The following ATP9B variants were observed in gnomAD, a reference collection of about 807,000 sequenced individuals.
ATP9B encodes the protein probable phospholipid-transporting ATPase IIB.
Under a neutral mutation model 146.1 loss-of-function variants are expected in ATP9B, and 110 were observed. The observed-to-expected ratio is 0.75, with a 90% CI of 0.65 to 0.88. ATP9B has a LOEUF of 0.88. ATP9B is among the 40% of genes least tolerant of loss of function. ATP9B has a pLI of 0.00. For missense variants in ATP9B, 1,499 were observed against 1,496.4 expected (o/e 1.00, Z -0.03); for synonymous variants, 604 against 569.7 (o/e 1.06, Z -0.86).
chr18:79,160,722 A>G (rs1018079357), intron 7 of ATP9B, among the ~76,000 whole-genome samples: 4 of 152,182 alleles, frequency 2.6e-5, no homozygotes, highest in African/African-American at 9.6e-5. Context: ...GCTTAACATT[A>G]TATGACTATT....
At chr18:79,144,364 C>G (rs777813555) in intron 6 of ATP9B, 1 of 152,210 alleles carries the variant, frequency 6.6e-6, no homozygotes, top group Non-Finnish European at 1.5e-5. Context: ...CACCAGGAAC[C>G]AGTTTTATGG....
intron 1 of ATP9B, among the ~76,000 whole-genome samples, chr18:79,069,747 C>T (rs1460001669): frequency 3.9e-5 from 6 of 152,202 alleles, no homozygotes; most frequent in East Asian, 1.9e-4. Flanking sequence ...GCTGCATCCC[C>T]GGGACGCCTG....
chr18:79,193,774 A>C (rs919542694), intron 9 of ATP9B, among the ~76,000 whole-genome samples: 3 of 152,230 alleles, frequency 2.0e-5, no homozygotes, highest in Admixed American at 1.3e-4. Context: ...TCTTTATTTT[A>C]ACAGCTTATA....
intron 1 of ATP9B, among the ~76,000 whole-genome samples, chr18:79,074,447 T>A (rs1429045719): frequency 1.3e-5 from 2 of 152,158 alleles, no homozygotes; most frequent in African/African-American, 4.8e-5. Context: ...TGGAGCAAGG[T>A]CTTAGGTTAT....
chr18:79,374,232 T>C, intron 28 of ATP9B, 131 bp downstream of exon 28: 1 of 1,075,836 alleles, frequency 9.3e-7, no homozygotes, highest in Non-Finnish European at 1.3e-6. Flanking sequence ...AAGTGCCTGC[T>C]CTTACTGTCC....
chr18:79,135,869 CGTT>C (rs1411351702), intron 5 of ATP9B, among the ~76,000 whole-genome samples: 4 of 151,776 alleles, frequency 2.6e-5, no homozygotes, highest in Non-Finnish European at 5.9e-5. Flanking sequence ...GCCATTCAGT[CGTT>C]GTCAGTACTG....
At chr18:79,199,342 A>G (rs549636292) in intron 9 of ATP9B, among the ~76,000 whole-genome samples, 1 of 152,322 alleles carries the variant, frequency 6.6e-6, no homozygotes, top group African/African-American at 2.4e-5. Flanking sequence ...TTTTTACTCT[A>G]TTAATAACAC....
At chr18:79,170,368 GTAGGTGT>G (rs1384776934) in intron 7 of ATP9B, among the ~76,000 whole-genome samples, 2 of 152,220 alleles carry the variant, frequency 1.3e-5, no homozygotes, top group Admixed American at 6.5e-5. Context: ...CTCCTCCTCT[GTAGGTGT>G]TGAAATAGTT....
At chr18:79,340,260 A>G (rs1195205329) in intron 19 of ATP9B, 8 of 152,222 alleles carry the variant, frequency 5.3e-5, no homozygotes, top group Non-Finnish European at 1.5e-5. Flanking sequence ...TTGCTAAGTT[A>G]TATGACTTTC....
At chr18:79,150,313 TA>T (rs879654277) in intron 6 of ATP9B, among the ~76,000 whole-genome samples, 28 of 146,688 alleles carry the variant, frequency 1.9e-4, no homozygotes, top group Non-Finnish European at 2.6e-4. Flanking sequence ...GATAGTTTCT[TA>T]AAAAAAAAAA....
chr18:79,083,559 G>A lies in ATP9B; in HGVS notation c.120-12917G>A, dbSNP rs184300658. Among the ~76,000 whole-genome samples, 343 of 152,288 alleles carry A rather than the reference G, an allele frequency of 2.3e-3. 1 individual carries two copies. Among genetic ancestry groups the A allele is most frequent in the Non-Finnish European group, 3.1e-3 (211 of 68,014 alleles). The stretch of plus-strand genomic sequence containing the variant: ...TGTAGGCATCGAAAGGAATCTCCTG[G>A]TCTGCGGATTGCGAAGACCATGGGA... On this transcript the variant is annotated intron_variant, in intron 1 of 29. Coordinates refer to ENST00000426216, the MANE Select transcript of ATP9B (RefSeq NM_198531.5).
chr18:79,163,588 G>GA (rs1157206770), intron 7 of ATP9B, among the ~76,000 whole-genome samples: 1 of 151,976 alleles, frequency 6.6e-6, no homozygotes, highest in Non-Finnish European at 1.5e-5. Flanking sequence ...ATTCAATCTA[G>GA]AAAAAAACTG....
At chr18:79,279,112 G>A (rs960399695) in intron 13 of ATP9B, among the ~76,000 whole-genome samples, 5 of 152,180 alleles carry the variant, frequency 3.3e-5, no homozygotes, top group African/African-American at 4.8e-5. Flanking sequence ...CGTGAGCGGC[G>A]CCTGTGAGAG....
intron 15 of ATP9B, among the ~76,000 whole-genome samples, chr18:79,323,825 C>T (rs572030155): frequency 1.3e-5 from 2 of 152,258 alleles, no homozygotes; most frequent in South Asian, 4.1e-4. Context: ...TATTCCCAGG[C>T]GTGGGATTGT....
At position 79,113,363 on chromosome 18, in the gene ATP9B, A is replaced by T. The variant is rs776384746; in HGVS notation, c.558+9A>T. 3 of 1,424,042 alleles carry T rather than the reference A, an allele frequency of 2.1e-6. No homozygotes were observed. The African/African-American group carries it at 4.3e-5, about 20-fold the overall frequency. The allele number at this position is 1,424,042 out of a possible 1,614,324, so 88.2% of individuals were successfully genotyped here. A position where few individuals can be genotyped will look rare whatever the true frequency, so the allele number is the denominator to read the frequency against. ...CCTACTGGGCTCCTCTGGTAAGAAAAGACTTTAAAAATTAAGTTAAATTAT... is the reference window on the plus strand; with the variant it reads ...CCTACTGGGCTCCTCTGGTAAGAAATGACTTTAAAAATTAAGTTAAATTAT... On this transcript the variant is annotated intron_variant, in intron 4 of 29. Coordinates refer to ENST00000426216, the MANE Select transcript of ATP9B (RefSeq NM_198531.5).
Position 79,368,481 on chromosome 18 carries a change from C to G in ATP9B, c.3013-4344C>G, listed in dbSNP as rs115909207. Among the ~76,000 whole-genome samples, 1,049 of 152,328 alleles carry G rather than the reference C, an allele frequency of 6.9e-3. 8 individuals are homozygous for G. Among genetic ancestry groups the G allele is most frequent in the African/African-American group, 0.024 (986 of 41,572 alleles). Reference sequence around the variant, plus strand: ...AGCCCATGTCTGCGCCTGGCCCTGGCCCAGTTGCGAGCACTCTGTGGCAGC... The same window carrying G: ...AGCCCATGTCTGCGCCTGGCCCTGGGCCAGTTGCGAGCACTCTGTGGCAGC... On this transcript the variant is annotated intron_variant, in intron 26 of 29. Transcript: ENST00000426216.
rs1405034049 is a variant in ATP9B, at chr18:79,373,951, G to A, written c.3124G>A (p.Val1042Met). ...LVLFESEFVH[V>M]VAISFTALIL... ...GCTCTTCGAGTCTGAGTTCGTCCAC[G>A]TGGTGGCCATCTCCTTCACCGCACT... Residue 1042 changes from valine (V) to methionine (M), a missense_variant, in exon 28 of 30, where the codon GTG becomes ATG. Val to Met is a conservative substitution (Grantham distance 21, BLOSUM62 1). Coordinates refer to ENST00000426216, the MANE Select transcript of ATP9B (RefSeq NM_198531.5). The A allele has an allele frequency of 1.1e-5, 17 of 1,613,660 alleles. No homozygotes were observed. The highest frequency in any genetic ancestry group is 3.3e-5 in the Admixed American group (2 of 59,998).
At position 79,236,200 on chromosome 18, in the gene ATP9B, G is replaced by T. The variant is rs2095839861; in HGVS notation, c.1108-17181G>T. On this transcript the variant is annotated intron_variant, in intron 11 of 29. Coordinates refer to ENST00000426216, the MANE Select transcript of ATP9B (RefSeq NM_198531.5). Reference sequence around the variant, plus strand: ...ATTTTAGCATTCTAGTGAGTATGTGGTGATATCTCATTGGGTTTTTAGTTT... The same window carrying T: ...ATTTTAGCATTCTAGTGAGTATGTGTTGATATCTCATTGGGTTTTTAGTTT... Among the ~76,000 whole-genome samples the T allele has an allele frequency of 2.6e-5, 4 of 152,156 alleles. No homozygotes were observed. In the South Asian group the frequency reaches 8.3e-4, roughly 32 times the overall value.
intron 8 of ATP9B, among the ~76,000 whole-genome samples, chr18:79,190,417 A>G (rs1272595343): frequency 6.6e-6 from 1 of 152,236 alleles, no homozygotes; most frequent in Non-Finnish European, 1.5e-5. Flanking sequence ...GTGGACCTGC[A>G]CAGTTCCAAC....
Sources: gnomAD v4.1 joint callset for allele counts (sites outside exome capture counted in the v4.1 genomes callset) on GRCh38, gnomAD v4.1.1 for gene constraint, MANE v1.5 for transcripts, NCBI Gene and HGNC (gene_info 2026-07-23, HGNC 2026-07-21) for gene names.